Variants in KLF13 observed in about 807,000 individuals in gnomAD.
KLF13 encodes KLF transcription factor 13.
KLF13 carries 8 observed loss-of-function variants against 16.7 expected under a neutral mutation model. The observed-to-expected ratio is 0.48, with a 90% CI of 0.28 to 0.87. KLF13 has a LOEUF of 0.87. Among genes scored for constraint, KLF13 ranks in the 40% least tolerant of loss-of-function variants. The probability of loss-of-function intolerance (pLI) is 0.10; values close to 1 mark genes in which losing one functional copy is unlikely to be tolerated. For synonymous variants in KLF13, 245 were observed against 208.4 expected (o/e 1.18, Z -1.51); for missense variants, 447 against 452.2 (o/e 0.99, Z 0.10).
chr15:31,352,247 G>C (rs1451880061), intron 1 of KLF13, among the ~76,000 whole-genome samples: 2 of 152,206 alleles, frequency 1.3e-5, no homozygotes, highest in Non-Finnish European at 2.9e-5. Context: ...TGGATGCCGG[G>C]TCCTGAGATC....
chr15:31,426,819 C>A (rs1273646412), intron 1 of KLF13, among the ~76,000 whole-genome samples: 1 of 152,104 alleles, frequency 6.6e-6, no homozygotes, highest in Non-Finnish European at 1.5e-5. Context: ...TAGGGAAGAT[C>A]CACCCTCACT....
At position 31,327,508 on chromosome 15, in the gene KLF13, C is replaced by T; in HGVS notation, c.296C>T (p.Pro99Leu). Residue 99 changes from proline to leucine, a missense_variant, in exon 1 of 2, where the codon CCG becomes CTG. Transcript: ENST00000307145. ...ARKARTPCRL[P>L]PPAPEPTSPG... ...AAGGCGAGGACCCCCTGCCGCCTGC[C>T]GCCGCCCGCCCCCGAGCCCACCTCC... 4 of 1,140,398 alleles carry T rather than the reference C, an allele frequency of 3.5e-6. No homozygotes were observed. The highest frequency in any genetic ancestry group is 3.2e-6 in the Non-Finnish European group (3 of 931,402). 70.6% of individuals were successfully genotyped at this position (1,140,398 alleles called of 1,614,324 possible). A position where few individuals can be genotyped will look rare whatever the true frequency, so the allele number is the denominator to read the frequency against.
chr15:31,339,193 G>T (rs2038981985), intron 1 of KLF13, among the ~76,000 whole-genome samples: 1 of 152,086 alleles, frequency 6.6e-6, no homozygotes, highest in African/African-American at 2.4e-5. Flanking sequence ...GGCTCCAAGT[G>T]CTCCTGGCTA....
At chr15:31,355,694 A>G (rs1157546117) in intron 1 of KLF13, among the ~76,000 whole-genome samples, 1 of 152,170 alleles carries the variant, frequency 6.6e-6, no homozygotes, top group East Asian at 1.9e-4. Flanking sequence ...GGATGGAGCC[A>G]GCATGCGGTA....
chr15:31,406,729 C>G (rs1023222131), downstream of KLF13, among the ~76,000 whole-genome samples: 1 of 152,184 alleles, frequency 6.6e-6, no homozygotes, highest in Admixed American at 6.5e-5. Context: ...CCTTGTCTTT[C>G]CCAGCTTCTA....
intron 1 of KLF13, among the ~76,000 whole-genome samples, chr15:31,328,625 A>C (rs1187743708): frequency 6.6e-6 from 1 of 150,596 alleles, no homozygotes; most frequent in Non-Finnish European, 1.5e-5. Flanking sequence ...CACCTGCACC[A>C]GGGCGGGCGC....
Position 31,372,620 on chromosome 15 carries a change from A to G in KLF13, c.*321A>G. The G allele has an allele frequency of 3.2e-6, 1 of 308,334 alleles. No individual in the cohort carries two copies. Among genetic ancestry groups the G allele is most frequent in the Non-Finnish European group, 5.9e-6 (1 of 168,912 alleles). The allele number at this position is 308,334 out of a possible 1,614,324, so 19.1% of individuals were successfully genotyped here. A position where few individuals can be genotyped will look rare whatever the true frequency, so the allele number is the denominator to read the frequency against. On this transcript the variant is annotated 3_prime_UTR_variant, in exon 2 of 2. Transcript: ENST00000307145. Reference sequence around the variant, plus strand: ...CGCCTTACTCTGTACATAGATTTGCACTCTGGAGTTTTCTGTTAGGTTCGG... The same window carrying G: ...CGCCTTACTCTGTACATAGATTTGCGCTCTGGAGTTTTCTGTTAGGTTCGG...
Position 31,403,116 on chromosome 15 carries a change from C to T in KLF13, n.530-312C>T, listed in dbSNP as rs150317628. 2.0e-5 allele frequency among the ~76,000 whole-genome samples: 3 copies of T among 152,334 alleles called. No homozygotes were observed. The East Asian group carries it at 5.8e-4, about 29-fold the overall frequency. On this transcript the variant is annotated intron_variant and non_coding_transcript_variant, in intron 2 of 2. Transcript: ENST00000500533. ...TTGCCAGTTCCAACTGTCAGTCTAT[C>T]TTGATCCCCAAAATGTTTGAGTATA... is the stretch of plus-strand genomic sequence containing the variant.
chr15:31,378,564 T>C (rs116611067), downstream of KLF13, among the ~76,000 whole-genome samples: 4,895 of 152,182 alleles, frequency 0.032, 255 homozygotes, highest in African/African-American at 0.11. Flanking sequence ...AGGTGGCTGC[T>C]GGGGTGGAGG....
At chr15:31,408,843 A>G (rs778184764), downstream of KLF13, among the ~76,000 whole-genome samples, 6 of 152,204 alleles carry the variant, frequency 3.9e-5, no homozygotes, top group Non-Finnish European at 8.8e-5. Context: ...GAAAGAATCA[A>G]CTGGTGATAC....
intron 1 of KLF13, among the ~76,000 whole-genome samples, chr15:31,361,279 G>A (rs1595472301): frequency 6.6e-6 from 1 of 152,152 alleles, no homozygotes; most frequent in South Asian, 2.1e-4. Flanking sequence ...CTGGGGAGGG[G>A]CTGTGAGAAT....
chr15:31,418,225 AT>A (rs909361389), intron 1 of KLF13, among the ~76,000 whole-genome samples: 2 of 152,108 alleles, frequency 1.3e-5, no homozygotes, highest in Admixed American at 6.5e-5. Context: ...ACTTTAGAGG[AT>A]TTTTTTTAGC....
At chr15:31,337,366 A>G (rs1381315138) in intron 1 of KLF13, among the ~76,000 whole-genome samples, 3 of 152,248 alleles carry the variant, frequency 2.0e-5, no homozygotes, top group African/African-American at 7.2e-5. Context: ...TAGGACCCAC[A>G]GGGGCTCTGG....
At chr15:31,354,669 G>A (rs1213827483) in intron 1 of KLF13, among the ~76,000 whole-genome samples, 2 of 152,188 alleles carry the variant, frequency 1.3e-5, no homozygotes, top group African/African-American at 4.8e-5. Context: ...ACAGGCGTGA[G>A]CCACTGCACC....
Position 31,356,792 on chromosome 15 carries a change from C to T in KLF13, c.578-15218C>T, listed in dbSNP as rs1379903390. On this transcript the variant is annotated intron_variant, in intron 1 of 1. Transcript: ENST00000307145. ...TCTGATTCTGGCTGTGTGCACCTCC[C>T]GGTCTCTTTGCCTCTCAGGGCCTTT... 3.9e-5 allele frequency among the ~76,000 whole-genome samples: 6 copies of T among 152,314 alleles called. No individual in the cohort carries two copies. In the East Asian group the frequency reaches 5.8e-4, roughly 15 times the overall value.
At chr15:31,358,644 C>T (rs1398556469) in intron 1 of KLF13, among the ~76,000 whole-genome samples, 4 of 152,146 alleles carry the variant, frequency 2.6e-5, no homozygotes, top group Non-Finnish European at 5.9e-5. Flanking sequence ...ATACAAATTG[C>T]CTTTACTTTT....
chr15:31,357,944 A>G (rs2140953799), intron 1 of KLF13, among the ~76,000 whole-genome samples: 1 of 152,190 alleles, frequency 6.6e-6, no homozygotes, highest in African/African-American at 2.4e-5. Flanking sequence ...TTTGTCTGTT[A>G]AAATCCACTT....
chr15:31,331,969 C>T (rs944613042), intron 1 of KLF13, among the ~76,000 whole-genome samples: 8 of 152,202 alleles, frequency 5.3e-5, no homozygotes, highest in Admixed American at 2.0e-4. Flanking sequence ...TTTTCACAGC[C>T]GCATGGTATT....
exon 3 of KLF13, chr15:31,404,615 A>C (rs1321487868): frequency 6.6e-6 from 1 of 152,258 alleles, no homozygotes; most frequent in African/African-American, 2.4e-5. Flanking sequence ...GTGGGGACAA[A>C]TAAGGGAATA....
Sources: allele counts gnomAD v4.1 joint callset (sites outside exome capture counted in the v4.1 genomes callset), GRCh38; gene constraint gnomAD v4.1.1; transcripts MANE v1.5; gene names NCBI Gene and HGNC (gene_info 2026-07-23, HGNC 2026-07-21).